Variants in GRID2 observed in about 807,000 individuals in gnomAD.
GRID2 encodes the protein glutamate receptor ionotropic, delta-2.
In GRID2, 33 loss-of-function variants were observed where a neutral mutation model predicts 114.8. That is an observed-to-expected ratio of 0.29 (90% CI 0.22 to 0.38). The LOEUF is 0.38. Ranked by LOEUF, GRID2 falls within the 10% of genes least tolerant of loss-of-function variation. GRID2 has a pLI of 1.00. For missense variants in GRID2, 1,184 were observed against 1,257.7 expected, an observed-to-expected ratio of 0.94 and a Z score of 0.89; for synonymous variants, 505 against 449.9, an observed-to-expected ratio of 1.12 and a Z score of -1.55.
intron 8 of GRID2, among the ~76,000 whole-genome samples, chr4:93,281,394 G>GA (rs1227133984): frequency 6.6e-6 from 1 of 151,712 alleles, no homozygotes; most frequent in East Asian, 1.9e-4. Context: ...GAAAGTCAGA[G>GA]AAAAAACAGG....
intron 10 of GRID2, among the ~76,000 whole-genome samples, chr4:93,447,486 C>A (rs938819316): frequency 1.3e-5 from 2 of 151,820 alleles, no homozygotes; most frequent in Non-Finnish European, 2.9e-5. Context: ...CATGTGTACA[C>A]CACAATTAAG....
At chr4:92,984,939 A>G (rs992787142) in intron 2 of GRID2, among the ~76,000 whole-genome samples, 6 of 152,120 alleles carry the variant, frequency 3.9e-5, no homozygotes, top group African/African-American at 1.2e-4. Flanking sequence ...GTAGGACTAC[A>G]TAATATTAAC....
chr4:93,252,989 C>G (rs1749144613), intron 8 of GRID2, among the ~76,000 whole-genome samples: 1 of 151,952 alleles, frequency 6.6e-6, no homozygotes, highest in Non-Finnish European at 1.5e-5. Flanking sequence ...GTGGTTTACG[C>G]CTGTAATCCC....
chr4:93,000,502 C>T (rs2149216223), intron 2 of GRID2, among the ~76,000 whole-genome samples: 1 of 151,494 alleles, frequency 6.6e-6, no homozygotes, highest in East Asian at 1.9e-4. Flanking sequence ...AATCTAACCC[C>T]AATATGATCA....
chr4:92,825,732 G>A (rs1741649668), intron 2 of GRID2, among the ~76,000 whole-genome samples: 1 of 152,118 alleles, frequency 6.6e-6, no homozygotes, highest in Admixed American at 6.6e-5. Flanking sequence ...AAAATAGCAT[G>A]TAATGCAAGG....
intron 2 of GRID2, among the ~76,000 whole-genome samples, chr4:92,937,519 G>C (rs1560720246): frequency 6.8e-6 from 1 of 146,096 alleles, no homozygotes; most frequent in Non-Finnish European, 1.5e-5. Context: ...GTTTACTTCT[G>C]AACTTCCAAT....
chr4:92,968,785 C>A (rs1338837455), intron 2 of GRID2, among the ~76,000 whole-genome samples: 1 of 151,768 alleles, frequency 6.6e-6, no homozygotes. Context: ...CACTAATCTA[C>A]TTTCTGTCTC....
In GRID2 at chr4:92,304,262, A is replaced by AG; in HGVS notation, c.-389dup. ...CGGGGAAGGGGGCACATCCGGCGTG[A>AG]GGGGGGTGTTGGAAGTTGCAGCGGA... On this transcript the variant is annotated 5_prime_UTR_variant, in exon 1 of 16. Coordinates refer to ENST00000282020, the MANE Select transcript of GRID2 (RefSeq NM_001510.4). The AG allele has an allele frequency of 4.4e-6, 1 of 228,156 alleles. No homozygotes were observed. The highest frequency in any genetic ancestry group is 8.6e-6 in the Non-Finnish European group (1 of 116,768). 14.1% of individuals were successfully genotyped at this position (228,156 alleles called of 1,614,324 possible). A position where few individuals can be genotyped will look rare whatever the true frequency, so the allele number is the denominator to read the frequency against.
intron 2 of GRID2, among the ~76,000 whole-genome samples, chr4:92,742,574 C>T (rs1487347676): frequency 2.6e-5 from 4 of 152,080 alleles, no homozygotes; most frequent in African/African-American, 4.8e-5. Flanking sequence ...GCATTTTGGT[C>T]CTGCATACAT....
rs1372244060 is a variant in GRID2 at position 92,935,627 on chromosome 4, A to G, written c.245-149368A>G. 3.4e-5 allele frequency among the ~76,000 whole-genome samples: 5 copies of G among 147,054 alleles called. No homozygotes were observed. In the East Asian group the frequency reaches 1.1e-3, roughly 31 times the overall value. On this transcript the variant is annotated intron_variant, in intron 2 of 15. Transcript: ENST00000282020. ...ACTATTCACAACAGCAAAGACTTGG[A>G]ACCCACCCAAATGTCCAACAATGAT...
chr4:92,563,016 T>C (rs1168422405), intron 1 of GRID2, among the ~76,000 whole-genome samples: 1 of 152,186 alleles, frequency 6.6e-6, no homozygotes, highest in African/African-American at 2.4e-5. Context: ...TCTTTTTCTC[T>C]TGGAGTCAGC....
At chr4:92,565,233 C>G (rs955439148) in intron 1 of GRID2, among the ~76,000 whole-genome samples, 15 of 151,932 alleles carry the variant, frequency 9.9e-5, no homozygotes, top group Non-Finnish European at 1.5e-4. Context: ...AGTGATCAAT[C>G]AATGAGGAAA....
intron 1 of GRID2, among the ~76,000 whole-genome samples, chr4:93,781,117 A>T (rs116195293): frequency 0.016 from 2,503 of 152,316 alleles, 32 homozygotes; most frequent in Non-Finnish European, 0.026. Flanking sequence ...CAGAATATCT[A>T]GTTTGTTAAT....
chr4:93,461,105 G>C (rs557882449), intron 11 of GRID2, among the ~76,000 whole-genome samples: 1 of 152,166 alleles, frequency 6.6e-6, no homozygotes, highest in Admixed American at 6.5e-5. Context: ...TTATAAATAT[G>C]TTAAATACCT....
chr4:93,172,496 G>A (rs1411863577), intron 4 of GRID2, among the ~76,000 whole-genome samples: 2 of 151,924 alleles, frequency 1.3e-5, no homozygotes, highest in Non-Finnish European at 2.9e-5. Flanking sequence ...GAAGGCTGAG[G>A]CAGGAGAATC....
intron 14 of GRID2, among the ~76,000 whole-genome samples, chr4:93,745,684 G>A (rs1445327289): frequency 2.0e-5 from 3 of 152,062 alleles, no homozygotes; most frequent in African/African-American, 7.2e-5. Context: ...CTTTCGTAAG[G>A]ACTCAGAAGC....
At chr4:92,619,405 C>A (rs1197278547) in intron 2 of GRID2, among the ~76,000 whole-genome samples, 1 of 151,696 alleles carries the variant, frequency 6.6e-6, no homozygotes, top group Non-Finnish European at 1.5e-5. Flanking sequence ...TTATCAAGGA[C>A]CACTGTGTTG....
chr4:92,812,196 T>C (rs1186626033), intron 2 of GRID2, among the ~76,000 whole-genome samples: 2 of 152,128 alleles, frequency 1.3e-5, no homozygotes, highest in Non-Finnish European at 2.9e-5. Context: ...TATCAGCATT[T>C]TCCCAAGAAA....
intron 2 of GRID2, among the ~76,000 whole-genome samples, chr4:92,753,699 C>T (rs1315745210): frequency 6.6e-6 from 1 of 152,042 alleles, no homozygotes; most frequent in East Asian, 1.9e-4. Flanking sequence ...GAGTAATGGG[C>T]TGGAAACCAG....
Sources: gnomAD v4.1 joint callset for allele counts (sites outside exome capture counted in the v4.1 genomes callset) on GRCh38, gnomAD v4.1.1 for gene constraint, MANE v1.5 for transcripts, NCBI Gene and HGNC (gene_info 2026-07-23, HGNC 2026-07-21) for gene names.